The following CMTM2 variants were observed in gnomAD, a reference collection of about 807,000 sequenced individuals.
CMTM2 encodes the protein CKLF-like MARVEL transmembrane domain-containing protein 2.
In CMTM2, 15 loss-of-function variants were observed where a neutral mutation model predicts 16.8. The ratio of observed to expected loss-of-function variants is 0.89; its 90% CI spans 0.60 to 1.37. The LOEUF is 1.37. Among genes scored for constraint, CMTM2 ranks in the 40% most tolerant of loss-of-function variants. The probability of loss-of-function intolerance (pLI) is 0.00; values close to 1 mark genes in which losing one functional copy is unlikely to be tolerated. For synonymous variants in CMTM2, 117 were observed against 118.7 expected (o/e 0.99, Z 0.09); for missense variants, 282 against 318.0 (o/e 0.89, Z 0.86).
chr16:66,587,066 C>A lies in CMTM2; in HGVS notation c.514C>A (p.Arg172=). 6.2e-7 allele frequency: 1 copy of A among 1,614,006 alleles called. No homozygotes were observed. Among genetic ancestry groups the A allele is most frequent in the Non-Finnish European group, 8.5e-7 (1 of 1,179,960 alleles). ...CGTGGTCTTTGCTGTGAGAAGTCGG[C>A]GATCCATGAATCTCCACTACTTACT... The part of the protein sequence containing the change: ...GAVVFAVRSR[R]SMNLHYLLAV... Residue 172 remains arginine, a synonymous_variant, in exon 3 of 4, where the codon CGA becomes AGA. Transcript: ENST00000268595.
Position 66,579,937 on chromosome 16 carries a change from TGG to T in CMTM2, c.285+50_285+51del, listed in dbSNP as rs771721025. Reference sequence around the variant, plus strand: ...CTGGGTGGGGGGCCTTGGCCGAGGGTGGGGGGAAGGAGGAGTAGGCTCCAGGG... The same window carrying T: ...CTGGGTGGGGGGCCTTGGCCGAGGGTGGGGAAGGAGGAGTAGGCTCCAGGG... On this transcript the variant is annotated intron_variant, in intron 1 of 3. Coordinates refer to ENST00000268595, the MANE Select transcript of CMTM2 (RefSeq NM_144673.3). This position sits in a 1 kb window ranked among gnomAD's most constrained non-coding sequence, Gnocchi z 6.5. 2 of 631,344 alleles carry T rather than the reference TGG, an allele frequency of 3.2e-6. No individual in the cohort carries two copies. Among genetic ancestry groups the T allele is most frequent in the African/African-American group, 4.7e-5 (2 of 42,152 alleles). The allele number at this position is 631,344 out of a possible 1,614,324, so 39.1% of individuals were successfully genotyped here. A position where few individuals can be genotyped will look rare whatever the true frequency, so the allele number is the denominator to read the frequency against.
At chr16:66,587,663 G>T (rs78562552) in intron 3 of CMTM2, among the ~76,000 whole-genome samples, 2 of 152,110 alleles carry the variant, frequency 1.3e-5, no homozygotes, top group Non-Finnish European at 2.9e-5. Flanking sequence ...TGTAGCTGCC[G>T]ACCCCAGAGC....
In CMTM2 at chr16:66,586,983, C is replaced by T; in HGVS notation, c.445-14C>T. ...CTGGCTTTGGCTGAGGCTGACTAAC[C>T]TCTCCACCTTCAGGACCTCTTCAAC... On this transcript the variant is annotated splice_polypyrimidine_tract_variant and intron_variant, in intron 2 of 3. Coordinates refer to ENST00000268595, the MANE Select transcript of CMTM2 (RefSeq NM_144673.3). The T allele has an allele frequency of 4.4e-6, 7 of 1,606,488 alleles. No individual in the cohort carries two copies. Among genetic ancestry groups the T allele is most frequent in the South Asian group, 1.1e-5 (1 of 90,940 alleles).
chr16:66,587,017 T>G lies in CMTM2; in HGVS notation c.465T>G (p.Ile155Met), dbSNP rs1469174849. The G allele has an allele frequency of 1.2e-6, 2 of 1,613,988 alleles. No individual in the cohort carries two copies. Among genetic ancestry groups the G allele is most frequent in the Non-Finnish European group, 1.7e-6 (2 of 1,180,018 alleles). Residue 155 changes from isoleucine (I) to methionine (M), a missense_variant, in exon 3 of 4, where the codon ATT (isoleucine) becomes ATG (methionine). By Grantham distance (10) the Ile-to-Met change is conservative (BLOSUM62 1). Transcript: ENST00000268595. ...TTCAGGACCTCTTCAACGACCTGAT[T>G]GCTTGTGCGTTCCTTGTGGGAGCCG... is the stretch of plus-strand genomic sequence containing the variant. ...WPISDLFNDL[I>M]ACAFLVGAVV... is the part of the protein sequence containing the mutation.
chr16:66,579,644 C>T lies in CMTM2; in HGVS notation c.37C>T (p.Pro13Ser), dbSNP rs1465045231. 1 of 1,613,914 alleles carries T rather than the reference C, an allele frequency of 6.2e-7. No individual in the cohort carries two copies. The highest frequency in any genetic ancestry group is 2.2e-5 in the East Asian group (1 of 44,862). ...PKAAKGAKPE[P>S]APAPPPPGAK... ...GGCGGCAAAGGGGGCCAAGCCAGAG[C>T]CAGCACCAGCTCCACCTCCACCCGG... The change falls in exon 1 of 4, where the codon CCA (proline) becomes TCA (serine). Residue 13 changes from proline (P) to serine (S), a missense_variant. Coordinates refer to ENST00000268595, the MANE Select transcript of CMTM2 (RefSeq NM_144673.3). The surrounding 1 kb of genome is among the most constrained non-coding windows in gnomAD (Gnocchi z 6.5).
chr16:66,580,082 G>A lies in CMTM2; in HGVS notation c.342G>A (p.Leu114=). 1 of 1,614,194 alleles carries A rather than the reference G, an allele frequency of 6.2e-7. No homozygotes were observed. The highest frequency in any genetic ancestry group is 1.3e-5 in the African/African-American group (1 of 75,050). Residue 114 remains leucine, a synonymous_variant, in exon 2 of 4, where the codon TTG becomes TTA. Transcript: ENST00000268595. ...CCTCACTCACCGTGCACCCCATCTT[G>A]AGGCTTATCATCACCATGGAGATAT... is the stretch of plus-strand genomic sequence containing the variant. ...LLSSLTVHPI[L]RLIITMEISF... is the part of the protein sequence containing the mutation.
intron 2 of CMTM2, 50 bp downstream of exon 2, chr16:66,580,234 G>T: frequency 1.3e-6 from 2 of 1,598,940 alleles, no homozygotes; most frequent in Non-Finnish European, 1.7e-6. Flanking sequence ...CTGATCAGGT[G>T]TGTCTTGGCA....
In CMTM2 at chr16:66,580,392, G is replaced by T. The variant is rs965151392; in HGVS notation, c.444+208G>T. 8.6e-6 allele frequency: 5 copies of T among 583,400 alleles called. No homozygotes were observed. The African/African-American group carries it at 9.4e-5, about 11-fold the overall frequency. The allele number at this position is 583,400 out of a possible 1,614,324, so 36.1% of individuals were successfully genotyped here. ...AAAATGCTCCAAAAAGCCTATCTGT[G>T]TGTTGGAGTGAGAGTGGGGAACTCT... On this transcript the variant is annotated intron_variant, in intron 2 of 3. Transcript: ENST00000268595.
Position 66,588,165 on chromosome 16 carries a change from C to A in CMTM2, c.*46C>A. 6.5e-7 allele frequency: 1 copy of A among 1,533,660 alleles called. No homozygotes were observed. The highest frequency in any genetic ancestry group is 9.0e-7 in the Non-Finnish European group (1 of 1,112,728). The stretch of plus-strand genomic sequence containing the variant: ...TCTGAAACGGCAGTGTATTTTACAG[C>A]AATATGTTTCCACTCTCTTCCTTGT... On this transcript the variant is annotated 3_prime_UTR_variant, in exon 4 of 4. Coordinates refer to ENST00000268595, the MANE Select transcript of CMTM2 (RefSeq NM_144673.3).
At chr16:66,583,219 C>T (rs1245144372) in intron 2 of CMTM2, among the ~76,000 whole-genome samples, 2 of 151,916 alleles carry the variant, frequency 1.3e-5, no homozygotes, top group South Asian at 2.1e-4. Flanking sequence ...TGGCTGGGCA[C>T]GGGGGCTCAC....
chr16:66,580,374 T>C (rs772693680), intron 2 of CMTM2, 190 bp downstream of exon 2: 17 of 613,554 alleles, frequency 2.8e-5, no homozygotes, highest in Non-Finnish European at 4.6e-5. Context: ...CAGAAAATGC[T>C]CCAAAAAGCC....
At chr16:66,585,715 A>C (rs1304016162) in intron 2 of CMTM2, among the ~76,000 whole-genome samples, 1 of 152,202 alleles carries the variant, frequency 6.6e-6, no homozygotes, top group African/African-American at 2.4e-5. Flanking sequence ...GGACGTTGGC[A>C]AGACGTTAAC....
chr16:66,586,802 G>A (rs2014797886), intron 2 of CMTM2, 195 bp from the exon 3 acceptor site: 2 of 569,926 alleles, frequency 3.5e-6, no homozygotes, highest in South Asian at 2.2e-5. Context: ...GACTTTTTAG[G>A]TTTCAATTTA....
chr16:66,587,319 G>A (rs2014805177), intron 3 of CMTM2, among the ~76,000 whole-genome samples: 1 of 152,166 alleles, frequency 6.6e-6, no homozygotes, highest in African/African-American at 2.4e-5. Flanking sequence ...TCAGGAGTTT[G>A]AGACCAGCCT....
intron 2 of CMTM2, 71 bp downstream of exon 2, chr16:66,580,255 C>A: frequency 6.6e-7 from 1 of 1,523,882 alleles, no homozygotes; most frequent in South Asian, 1.2e-5. Context: ...CCTGGAAAGT[C>A]ACCAAACAGA....
At chr16:66,586,958 C>G (rs2014799989) in intron 2 of CMTM2, 39 bp from the exon 3 acceptor site, 1 of 1,476,970 alleles carries the variant, frequency 6.8e-7, no homozygotes, top group Non-Finnish European at 9.5e-7. Flanking sequence ...GATGGGGACC[C>G]TGGCTTTGGC....
intron 2 of CMTM2, among the ~76,000 whole-genome samples, chr16:66,585,138 G>T (rs2014778879): frequency 6.6e-6 from 1 of 152,092 alleles, no homozygotes; most frequent in South Asian, 2.1e-4. Flanking sequence ...TAGAGACGGG[G>T]TTTCTCCATG....
At position 66,579,817 on chromosome 16, in the gene CMTM2, C is replaced by A; in HGVS notation, c.210C>A (p.Arg70=). The A allele has an allele frequency of 6.2e-7, 1 of 1,613,842 alleles. No homozygotes were observed. Among genetic ancestry groups the A allele is most frequent in the Non-Finnish European group, 8.5e-7 (1 of 1,180,014 alleles). Residue 70 remains arginine (R), a synonymous_variant, in exon 1 of 4, where the codon CGC becomes CGA. Transcript: ENST00000268595. This position sits in a 1 kb window ranked among gnomAD's most constrained non-coding sequence, Gnocchi z 6.5. ...HEVGTRRGCR[R]YRWELKDSNK... ...TGGGCACGAGGAGGGGGTGTCGCCG[C>A]TACCGGTGGGAATTAAAAGACAGCA...
chr16:66,587,342 G>A (rs2014805370), intron 3 of CMTM2, among the ~76,000 whole-genome samples: 1 of 152,066 alleles, frequency 6.6e-6, no homozygotes, highest in Admixed American at 6.5e-5. Context: ...CCAACATGGT[G>A]AAATACAAAA....
Sources: gnomAD v4.1 joint callset for allele counts (sites outside exome capture counted in the v4.1 genomes callset) on GRCh38, gnomAD v4.1.1 for gene constraint, Gnocchi (gnomAD v3.1) non-coding constraint, MANE v1.5 for transcripts, NCBI Gene and HGNC (gene_info 2026-07-23, HGNC 2026-07-21) for gene names.